The following TPM4 variants were observed in gnomAD, a reference collection of about 807,000 sequenced individuals.
TPM4 encodes the protein tropomyosin alpha-4 chain.
A neutral mutation model predicts 35.8 loss-of-function variants in TPM4; 17 were observed. That is an observed-to-expected ratio of 0.47 (90% confidence interval 0.32 to 0.71). The LOEUF (loss-of-function observed/expected upper bound fraction) is 0.71, where lower values mean the gene tolerates loss of function less well. TPM4 is among the 30% of genes least tolerant of loss of function. The probability of loss-of-function intolerance (pLI) is 0.03; values close to 1 mark genes in which losing one functional copy is unlikely to be tolerated. For synonymous variants in TPM4, 120 were observed against 122.9 expected (o/e 0.98, Z 0.15); for missense variants, 240 against 320.9 (o/e 0.75, Z 1.93).
intron 2 of TPM4, among the ~76,000 whole-genome samples, chr19:16,069,399 GTA>G (rs1491396305): frequency 5.9e-5 from 9 of 151,340 alleles, no homozygotes; most frequent in Non-Finnish European, 1.0e-4. Context: ...TGGTGTGTGT[GTA>G]TGAGTGTGTG....
rs77908206 is a variant in TPM4, at chr19:16,078,528, G to A, written c.132+1831G>A. On this transcript the variant is annotated intron_variant, in intron 1 of 7. Transcript: ENST00000643579. ...TTGGCCCAAGAGGCCTTAGAAACCC[G>A]GTGTAAGCCTCAATCGGTAGCCGGT... Among the ~76,000 whole-genome samples, 686 of 152,284 alleles carry A rather than the reference G, an allele frequency of 4.5e-3. 2 individuals are homozygous for A. The highest frequency in any genetic ancestry group is 0.01 in the African/African-American group (421 of 41,548).
chr19:16,087,543 T>C (rs1298598950), intron 3 of TPM4, among the ~76,000 whole-genome samples: 12 of 146,724 alleles, frequency 8.2e-5, no homozygotes, highest in African/African-American at 3.0e-4. Flanking sequence ...AGCCACTGCA[T>C]TTCAGCCTGG....
In TPM4 at chr19:16,070,747, C is replaced by A. The variant is rs1024552263; in HGVS notation, c.114+3009C>A. Among the ~76,000 whole-genome samples, 1 of 151,966 alleles carries A rather than the reference C, an allele frequency of 6.6e-6. No individual in the cohort carries two copies. Among genetic ancestry groups the A allele is most frequent in the Non-Finnish European group, 1.5e-5 (1 of 67,972 alleles). ...CCCGCCCTACTTCCCCTTTGGGCCT[C>A]CCCAGCCCCCCGTGCCCCAGGGCTG... On this transcript the variant is annotated intron_variant, in intron 2 of 2. Transcript: ENST00000589897. The surrounding 1 kb of genome is among the most constrained non-coding windows in gnomAD (Gnocchi z 7.4).
At chr19:16,099,513 G>C (rs955440473) in intron 7 of TPM4, among the ~76,000 whole-genome samples, 2 of 152,100 alleles carry the variant, frequency 1.3e-5, no homozygotes, top group Non-Finnish European at 1.5e-5. Context: ...GAGCCCAGGA[G>C]GTCAAGGCTG....
intron 5 of TPM4, among the ~76,000 whole-genome samples, chr19:16,092,177 G>T (rs764776887): frequency 3.5e-4 from 48 of 138,650 alleles, no homozygotes; most frequent in Non-Finnish European, 6.6e-4. Context: ...GATTCTGTCT[G>T]AAAAAAAAAA....
rs995298310 is a variant in TPM4 at position 16,102,451 on chromosome 19, A to G, written c.*1105A>G. On this transcript the variant is annotated 3_prime_UTR_variant, in exon 8 of 8. Transcript: ENST00000643579. ...GTCCAATTCAGGTCAGCCATATCCA[A>G]AAGACCACAAGTCATTACTAAGTTG... is the stretch of plus-strand genomic sequence containing the variant. 8.0e-5 allele frequency: 18 copies of G among 224,776 alleles called. No individual in the cohort carries two copies. Among genetic ancestry groups the G allele is most frequent in the Admixed American group, 6.9e-4 (12 of 17,462 alleles). The allele number at this position is 224,776 out of a possible 1,614,324, so 13.9% of individuals were successfully genotyped here.
chr19:16,087,885 C>T, intron 3 of TPM4, 142 bp from the exon 4 acceptor site: 1 of 849,798 alleles, frequency 1.2e-6, no homozygotes, highest in Admixed American at 2.2e-5. Context: ...CGTCCCCCTG[C>T]AAAAAAAAGA....
At chr19:16,089,236 T>A in intron 5 of TPM4, 116 bp downstream of exon 5, 1 of 1,370,268 alleles carries the variant, frequency 7.3e-7, no homozygotes, top group Non-Finnish European at 1.0e-6. Context: ...AACAGTAGCG[T>A]TGGTGCCTGG....
Position 16,076,612 on chromosome 19 carries a change from C to T in TPM4, c.47C>T (p.Ala16Val). The change falls in exon 1 of 8, where the codon GCC (alanine) becomes GTC (valine). Residue 16 changes from alanine to valine, a missense_variant. Physicochemically the swap from Ala to Val is moderately conservative, Grantham distance 64. Transcript: ENST00000643579. The stretch of plus-strand genomic sequence containing the variant: ...GAGGCGGTGAAACGCAAGATCCAGG[C>T]CCTGCAGCAGCAGGCGGACGAGGCG... ...SLEAVKRKIQ[A>V]LQQQADEAED... 6.8e-7 allele frequency: 1 copy of T among 1,466,274 alleles called. No individual in the cohort carries two copies. 90.8% of individuals were successfully genotyped at this position (1,466,274 alleles called of 1,614,324 possible).
chr19:16,095,536 C>T (rs1165490248), intron 7 of TPM4: 9 of 1,015,610 alleles, frequency 8.9e-6, no homozygotes, highest in African/African-American at 5.1e-5. Context: ...TCATTTTCTC[C>T]ACTTGCTGCC....
chr19:16,088,544 A>G (rs1389146880), intron 4 of TPM4: 53 of 1,045,144 alleles, frequency 5.1e-5, no homozygotes, highest in Non-Finnish European at 5.8e-5. Flanking sequence ...CCCACAAGCA[A>G]GCACCGAAAA....
intron 2 of TPM4, among the ~76,000 whole-genome samples, chr19:16,083,656 C>CTTGTGTGG (rs879719885): frequency 0.029 from 4,358 of 152,092 alleles, 183 homozygotes; most frequent in African/African-American, 0.091. Context: ...TGGTGTGGGC[C>CTTGTGTGG]CGACCAGTGA....
Position 16,070,471 on chromosome 19 carries a change from C to A in TPM4, c.114+2733C>A, listed in dbSNP as rs952848992. Among the ~76,000 whole-genome samples the A allele has an allele frequency of 2.6e-5, 4 of 152,182 alleles. 1 individual carries two copies. Among genetic ancestry groups the A allele is most frequent in the Admixed American group, 6.5e-5 (1 of 15,284 alleles). ...GCCTAGGACCATGGCACCGAGTGCC[C>A]AGCCCCACCCAGGCCAGGAGCCAGG... On this transcript the variant is annotated intron_variant, in intron 2 of 2. Coordinates refer to the TPM4 transcript ENST00000589897. This position sits in a 1 kb window ranked among gnomAD's most constrained non-coding sequence, Gnocchi z 7.4.
chr19:16,084,285 T>A (rs2090521660), intron 2 of TPM4, among the ~76,000 whole-genome samples: 1 of 152,202 alleles, frequency 6.6e-6, no homozygotes, highest in Non-Finnish European at 1.5e-5. Context: ...TCTTGGAGAT[T>A]GCATGTCACC....
At chr19:16,097,290 T>C (rs1380178699) in intron 7 of TPM4, among the ~76,000 whole-genome samples, 2 of 150,960 alleles carry the variant, frequency 1.3e-5, no homozygotes, top group African/African-American at 2.4e-5. Context: ...TTCTTTCTTT[T>C]TGAGACGGAG....
chr19:16,088,123 A>C, intron 4 of TPM4, 26 bp downstream of exon 4: 1 of 1,601,080 alleles, frequency 6.2e-7, no homozygotes, highest in Non-Finnish European at 8.5e-7. Flanking sequence ...GGACTGAGCG[A>C]GGCTGGCTCG....
chr19:16,080,924 C>T (rs1326743214), intron 1 of TPM4: 1 of 397,792 alleles, frequency 2.5e-6, no homozygotes, highest in Non-Finnish European at 4.4e-6. Flanking sequence ...GGTAAAAACA[C>T]CTTGAAAAGC....
intron 5 of TPM4, among the ~76,000 whole-genome samples, chr19:16,089,919 C>T (rs1338716626): frequency 6.6e-6 from 1 of 151,590 alleles, no homozygotes; most frequent in Non-Finnish European, 1.5e-5. Flanking sequence ...AGTGAAGTGG[C>T]GTGATCTCAG....
chr19:16,081,700 A>G (rs867126245), intron 1 of TPM4: 2 of 469,424 alleles, frequency 4.3e-6, no homozygotes, highest in Admixed American at 3.8e-5. Context: ...GGCGATGCTC[A>G]TCTTTTGCTA....
Sources: gnomAD v4.1 joint callset for allele counts (sites outside exome capture counted in the v4.1 genomes callset) on GRCh38, gnomAD v4.1.1 for gene constraint, Gnocchi (gnomAD v3.1) non-coding constraint, MANE v1.5 for transcripts, NCBI Gene and HGNC (gene_info 2026-07-23, HGNC 2026-07-21) for gene names.